GARRE1: variants seen among roughly 807,000 people sequenced by gnomAD.
GARRE1 encodes granule associated Rac and RHOG effector protein 1.
GARRE1 carries 49 observed loss-of-function variants against 103.2 expected under a neutral mutation model. The observed-to-expected ratio is 0.47, with a 90% CI of 0.38 to 0.60. The LOEUF is 0.60. Among genes scored for constraint, GARRE1 ranks in the 20% least tolerant of loss-of-function variants. GARRE1 has a pLI of 0.00. For missense variants in GARRE1, 1,199 were observed against 1,370.5 expected (o/e 0.87, Z 1.98); for synonymous variants, 505 against 532.8 (o/e 0.95, Z 0.72).
chr19:34,281,032 AT>A (rs974581608), intron 1 of GARRE1, among the ~76,000 whole-genome samples: 1 of 152,076 alleles, frequency 6.6e-6, no homozygotes, highest in Non-Finnish European at 1.5e-5. Flanking sequence ...CAAATGAAGG[AT>A]TAAAGGATTT....
At chr19:34,343,561 C>A (rs1476437032) in intron 10 of GARRE1, among the ~76,000 whole-genome samples, 1 of 151,988 alleles carries the variant, frequency 6.6e-6, no homozygotes, top group Non-Finnish European at 1.5e-5. Flanking sequence ...AAGTGGAAAA[C>A]CTGGCCAGGC....
chr19:34,323,132 C>T lies in GARRE1; in HGVS notation c.705+3016C>T, dbSNP rs1020531943. On this transcript the variant is annotated intron_variant, in intron 3 of 13. Coordinates refer to ENST00000299505, the MANE Select transcript of GARRE1 (RefSeq NM_014686.5). ...TGCAGGCTCCGCCCCCCGGGGTTCA[C>T]GCCATTCTCCTGCCTCAGCCTCCCG... Among the ~76,000 whole-genome samples the T allele has an allele frequency of 4.1e-5, 6 of 146,534 alleles. No homozygotes were observed. In the South Asian group the frequency reaches 1.1e-3, roughly 26 times the overall value.
At chr19:34,309,108 A>G (rs905646564) in intron 2 of GARRE1, among the ~76,000 whole-genome samples, 1 of 152,090 alleles carries the variant, frequency 6.6e-6, no homozygotes, top group African/African-American at 2.4e-5. Flanking sequence ...AAATAATCTA[A>G]TCAAGCTTCT....
rs373296363 is a variant in GARRE1 at position 34,348,001 on chromosome 19, C to T, written c.2646C>T (p.Asp882=). The change falls in exon 11 of 14, where the codon GAC becomes GAT. Residue 882 remains aspartate, a synonymous_variant. Coordinates refer to ENST00000299505, the MANE Select transcript of GARRE1 (RefSeq NM_014686.5). ...NPRGNWPPMD[D]AHRTWPFPEF... is the part of the protein sequence containing the mutation. ...GGGGCAACTGGCCGCCTATGGATGACGCGCATCGGACCTGGCCCTTCCCCG... is the reference window on the plus strand; with the variant it reads ...GGGGCAACTGGCCGCCTATGGATGATGCGCATCGGACCTGGCCCTTCCCCG... The T allele has an allele frequency of 2.8e-5, 44 of 1,564,312 alleles. No individual in the cohort carries two copies. Among genetic ancestry groups the T allele is most frequent in the African/African-American group, 1.4e-4 (10 of 73,340 alleles).
At chr19:34,335,762 G>GTCTTGAACTCC (rs1486013951) in intron 8 of GARRE1, among the ~76,000 whole-genome samples, 1 of 152,168 alleles carries the variant, frequency 6.6e-6, no homozygotes, top group Non-Finnish European at 1.5e-5. Flanking sequence ...CTGACCTCAG[G>GTCTTGAACTCC]TGATCCACCT....
intron 7 of GARRE1, among the ~76,000 whole-genome samples, chr19:34,333,089 C>T (rs1442562398): frequency 6.6e-6 from 1 of 152,184 alleles, no homozygotes; most frequent in African/African-American, 2.4e-5. Context: ...GTCTGTTGCT[C>T]AGGCTGGAGT....
chr19:34,319,983 C>T lies in GARRE1; in HGVS notation c.572C>T (p.Pro191Leu), dbSNP rs369744932. 6.2e-6 allele frequency: 10 copies of T among 1,614,118 alleles called. No homozygotes were observed. Among genetic ancestry groups the T allele is most frequent in the Admixed American group, 5.0e-5 (3 of 60,004 alleles). ...FLTHALQKVQ[P>L]VAHSCFAEVI... is the part of the protein sequence containing the mutation. ...ACTCATGCGTTACAGAAGGTCCAGC[C>T]GGTGGCTCACTCTTGCTTTGCTGAG... The change falls in exon 3 of 14, where the codon CCG becomes CTG. Residue 191 changes from proline (P) to leucine (L), a missense_variant. Pro to Leu is a moderately conservative substitution (Grantham distance 98). Coordinates refer to ENST00000299505, the MANE Select transcript of GARRE1 (RefSeq NM_014686.5).
chr19:34,277,403 C>T (rs1321657947), intron 1 of GARRE1, among the ~76,000 whole-genome samples: 1 of 152,084 alleles, frequency 6.6e-6, no homozygotes, highest in Non-Finnish European at 1.5e-5. Flanking sequence ...TCACTTAGAC[C>T]AATAAGATCA....
At chr19:34,303,073 C>A (rs1020136295) in intron 2 of GARRE1, among the ~76,000 whole-genome samples, 4 of 152,094 alleles carry the variant, frequency 2.6e-5, no homozygotes, top group Non-Finnish European at 5.9e-5. Context: ...AAATATTATT[C>A]TTTTAGGGCT....
intron 3 of GARRE1, among the ~76,000 whole-genome samples, chr19:34,327,184 T>TAAAATAATAA (rs1408029770): frequency 7.1e-6 from 1 of 140,630 alleles, no homozygotes; most frequent in Non-Finnish European, 1.6e-5. Flanking sequence ...TAAAATAAAA[T>TAAAATAATAA]AATAAAATAA....
chr19:34,257,135 T>G (rs1044105216), intron 1 of GARRE1, among the ~76,000 whole-genome samples: 1 of 149,452 alleles, frequency 6.7e-6, no homozygotes, highest in African/African-American at 2.5e-5. Context: ...TCTCCAGATG[T>G]TTGGAAGACC....
At position 34,271,827 on chromosome 19, in the gene GARRE1, T is replaced by TCAAAAA. The variant is rs112991927; in HGVS notation, c.-796+17238_-796+17243dup. Among the ~76,000 whole-genome samples the TCAAAAA allele has an allele frequency of 6.0e-5, 9 of 150,466 alleles. No individual in the cohort carries two copies. In the East Asian group the frequency reaches 1.5e-3, roughly 26 times the overall value. On this transcript the variant is annotated intron_variant, in intron 1 of 13. Coordinates refer to ENST00000299505, the MANE Select transcript of GARRE1 (RefSeq NM_014686.5). ...TCTAGCCTGGGGCATGGAGCAAGTC[T>TCAAAAA]CAAAAACAAAAACAAAAACAAAAAC...
chr19:34,319,936 G>A lies in GARRE1; in HGVS notation c.525G>A (p.Val175=). 1 of 1,614,224 alleles carries A rather than the reference G, an allele frequency of 6.2e-7. No homozygotes were observed. The highest frequency in any genetic ancestry group is 8.5e-7 in the Non-Finnish European group (1 of 1,180,040). ...EVLGRCFLTV[V]QVHFQFLTHA... ...TGGGGCGATGTTTCCTGACTGTGGT[G>A]CAAGTCCATTTCCAGTTTTTGACTC... Residue 175 remains valine (V), a synonymous_variant, in exon 3 of 14, where the codon GTG becomes GTA. Coordinates refer to ENST00000299505, the MANE Select transcript of GARRE1 (RefSeq NM_014686.5).
chr19:34,315,670 C>G (rs1471277478), intron 2 of GARRE1, among the ~76,000 whole-genome samples: 2 of 133,558 alleles, frequency 1.5e-5, no homozygotes, highest in Non-Finnish European at 3.1e-5. Context: ...AAGATTGTGC[C>G]ACTGCACTCC....
At chr19:34,269,354 G>T (rs1183895034) in intron 1 of GARRE1, among the ~76,000 whole-genome samples, 1 of 152,146 alleles carries the variant, frequency 6.6e-6, no homozygotes, top group Non-Finnish European at 1.5e-5. Context: ...GGGTTGACCC[G>T]TGTTGGGGGT....
chr19:34,291,567 A>G (rs2073917930), intron 1 of GARRE1, among the ~76,000 whole-genome samples: 1 of 152,182 alleles, frequency 6.6e-6, no homozygotes, highest in Admixed American at 6.6e-5. Flanking sequence ...AGGACAGGAG[A>G]GCTCAAGAGA....
At chr19:34,264,151 A>G (rs2073736822) in intron 1 of GARRE1, among the ~76,000 whole-genome samples, 1 of 152,196 alleles carries the variant, frequency 6.6e-6, no homozygotes, top group South Asian at 2.1e-4. Context: ...AAGGGAGAGC[A>G]TGCAGCTAAT....
At position 34,354,511 on chromosome 19, in the gene GARRE1, A is replaced by C. The variant is rs2074259439; in HGVS notation, c.*1556A>C. 6.6e-6 allele frequency: 1 copy of C among 152,066 alleles called. No individual in the cohort carries two copies. The highest frequency in any genetic ancestry group is 6.6e-5 in the Admixed American group (1 of 15,250). 9.4% of individuals were successfully genotyped at this position (152,066 alleles called of 1,614,324 possible). A position where few individuals can be genotyped will look rare whatever the true frequency, so the allele number is the denominator to read the frequency against. On this transcript the variant is annotated 3_prime_UTR_variant, in exon 14 of 14. Coordinates refer to ENST00000299505, the MANE Select transcript of GARRE1 (RefSeq NM_014686.5). ...ATATGGTGAAACCCCATCTCTACTA[A>C]AAATACAAAAATTAGCCGGGTGTGG...
At chr19:34,344,349 G>T (rs2074200377) in intron 10 of GARRE1, among the ~76,000 whole-genome samples, 1 of 152,140 alleles carries the variant, frequency 6.6e-6, no homozygotes, top group Non-Finnish European at 1.5e-5. Context: ...CCAGCACTTT[G>T]GGAGGCCGAG....
Sources: gnomAD v4.1 joint callset for allele counts (sites outside exome capture counted in the v4.1 genomes callset) on GRCh38, gnomAD v4.1.1 for gene constraint, MANE v1.5 for transcripts, NCBI Gene and HGNC (gene_info 2026-07-23, HGNC 2026-07-21) for gene names.